SIPA1L1: variants seen among roughly 807,000 people sequenced by gnomAD.
SIPA1L1 encodes the protein signal induced proliferation associated 1 like 1, also known as signal-induced proliferation-associated 1-like protein 1.
SIPA1L1 carries 26 observed loss-of-function variants against 162.7 expected under a neutral mutation model. The ratio of observed to expected loss-of-function variants is 0.16; its 90% CI spans 0.12 to 0.22. The LOEUF is 0.22. Ranked by LOEUF, SIPA1L1 falls within the 10% of genes least tolerant of loss-of-function variation. The pLI is 1.00. For synonymous variants in SIPA1L1, 829 were observed against 837.4 expected, an observed-to-expected ratio of 0.99 and a Z score of 0.17; for missense variants, 1,874 against 2,241.0, an observed-to-expected ratio of 0.84 and a Z score of 3.31.
At chr14:71,735,562 C>T in intron 22 of SIPA1L1, 171 bp downstream of exon 22, 1 of 526,574 alleles carries the variant, frequency 1.9e-6, no homozygotes. Context: ...ATACTGTAGA[C>T]ATAATTAAAC....
At chr14:71,471,481 T>C (rs1272600460) in intron 2 of SIPA1L1, among the ~76,000 whole-genome samples, 1 of 152,118 alleles carries the variant, frequency 6.6e-6, no homozygotes, top group African/African-American at 2.4e-5. Context: ...GGGAAAAAAG[T>C]GTGAGTTAAG....
intron 7 of SIPA1L1, among the ~76,000 whole-genome samples, chr14:71,629,418 A>G (rs1056093556): frequency 6.6e-6 from 1 of 152,220 alleles, no homozygotes; most frequent in Non-Finnish European, 1.5e-5. Context: ...TCTTGAATCC[A>G]GGCACTCAGA....
At chr14:71,523,043 T>TA (rs2052517130) in intron 3 of SIPA1L1, among the ~76,000 whole-genome samples, 1 of 152,194 alleles carries the variant, frequency 6.6e-6, no homozygotes, top group African/African-American at 2.4e-5. Flanking sequence ...AGGTCAGTCT[T>TA]ACAGTTTACT....
Position 71,330,589 on chromosome 14 carries a change from T to C in SIPA1L1, c.-465+9408T>C. On this transcript the variant is annotated intron_variant, in intron 2 of 23. Coordinates refer to ENST00000381232, the MANE Select transcript of SIPA1L1 (RefSeq NM_001386936.1). The stretch of plus-strand genomic sequence containing the variant: ...TCCTCCTCAGATGTTAAATCCCAAC[T>C]GAGCTTCAGGAGGCTTCTTCAGTGT... 4 of 1,090,378 alleles carry C rather than the reference T, an allele frequency of 3.7e-6. No homozygotes were observed. In the Admixed American group the frequency reaches 6.7e-5, roughly 18 times the overall value. 67.5% of individuals were successfully genotyped at this position (1,090,378 alleles called of 1,614,324 possible).
rs374388876 is a variant in SIPA1L1 at position 71,605,353 on chromosome 14, C to A, written c.1499-13404C>A. Among the ~76,000 whole-genome samples the A allele has an allele frequency of 5.3e-5, 8 of 152,052 alleles. No individual in the cohort carries two copies. The East Asian group carries it at 1.4e-3, about 26-fold the overall frequency. On this transcript the variant is annotated intron_variant, in intron 5 of 23. Coordinates refer to ENST00000381232, the MANE Select transcript of SIPA1L1 (RefSeq NM_001386936.1). Reference sequence around the variant, plus strand: ...GCTTCATTAATCAACATTTTGAATTCTTTTTCTAGGATTTTGTATATTTCT... The same window carrying A: ...GCTTCATTAATCAACATTTTGAATTATTTTTCTAGGATTTTGTATATTTCT...
intron 6 of SIPA1L1, among the ~76,000 whole-genome samples, chr14:71,621,278 G>C (rs1330701838): frequency 1.3e-5 from 2 of 152,196 alleles, no homozygotes; most frequent in South Asian, 2.1e-4. Flanking sequence ...ATCCTTGAAA[G>C]CTTCCTCATC....
intron 10 of SIPA1L1, among the ~76,000 whole-genome samples, chr14:71,667,249 C>G (rs1299882071): frequency 1.3e-5 from 2 of 152,072 alleles, no homozygotes; most frequent in African/African-American, 4.8e-5. Flanking sequence ...CTCACACATT[C>G]CCCTTTCCCT....
At chr14:71,396,949 CAA>C (rs2041253929) in intron 2 of SIPA1L1, among the ~76,000 whole-genome samples, 1 of 152,086 alleles carries the variant, frequency 6.6e-6, no homozygotes, top group Non-Finnish European at 1.5e-5. Flanking sequence ...TATTTTTTGA[CAA>C]ATTTAAATTA....
Position 71,672,625 on chromosome 14 carries a change from AG to A in SIPA1L1, c.3104+5del. On this transcript the variant is annotated splice_donor_region_variant and intron_variant, in intron 12 of 23. Transcript: ENST00000381232. ...CATGATGACTGCACCCCGCGGAGGT[AG>A]GTCTGAGGAGACAGCTGTGGGCCTG... 6.2e-7 allele frequency: 1 copy of A among 1,610,714 alleles called. No homozygotes were observed. The highest frequency in any genetic ancestry group is 8.5e-7 in the Non-Finnish European group (1 of 1,177,162).
chr14:71,697,233 G>C (rs1383214714), intron 13 of SIPA1L1, among the ~76,000 whole-genome samples: 1 of 152,184 alleles, frequency 6.6e-6, no homozygotes, highest in African/African-American at 2.4e-5. Context: ...GACCCAGGCT[G>C]CAGGTGAGAG....
At chr14:71,333,262 AGTC>A (rs965608376) in intron 2 of SIPA1L1, among the ~76,000 whole-genome samples, 4 of 152,202 alleles carry the variant, frequency 2.6e-5, no homozygotes, top group African/African-American at 9.7e-5. Context: ...TTTTATGTGT[AGTC>A]GTCTTGGGAT....
intron 4 of SIPA1L1, among the ~76,000 whole-genome samples, chr14:71,541,303 A>G (rs1337419158): frequency 1.3e-4 from 20 of 152,186 alleles, no homozygotes; most frequent in Admixed American, 1.2e-3. Context: ...CATTTTTAGA[A>G]TAATTGACTA....
At chr14:71,632,878 G>T (rs1434740967) in intron 7 of SIPA1L1, among the ~76,000 whole-genome samples, 1 of 152,132 alleles carries the variant, frequency 6.6e-6, no homozygotes, top group Non-Finnish European at 1.5e-5. Context: ...AATAAAGAAG[G>T]CCTGCTAAAT....
At chr14:71,338,579 G>C (rs974015442) in intron 2 of SIPA1L1, among the ~76,000 whole-genome samples, 1 of 152,070 alleles carries the variant, frequency 6.6e-6, no homozygotes, top group Non-Finnish European at 1.5e-5. Context: ...ACAGTCATCC[G>C]GGGGCATTTA....
At chr14:71,648,517 TAA>T (rs2042359564) in intron 7 of SIPA1L1, among the ~76,000 whole-genome samples, 1 of 152,154 alleles carries the variant, frequency 6.6e-6, no homozygotes, top group African/African-American at 2.4e-5. Context: ...CGTAGTCCCT[TAA>T]TATAAAGTGG....
chr14:71,717,089 G>A (rs1362435318), intron 17 of SIPA1L1, among the ~76,000 whole-genome samples: 3 of 152,066 alleles, frequency 2.0e-5, no homozygotes, highest in African/African-American at 7.2e-5. Context: ...TAGTAGAGAC[G>A]GGGTTTTACC....
chr14:71,662,803 C>G (rs1199812987), intron 10 of SIPA1L1, among the ~76,000 whole-genome samples: 1 of 152,204 alleles, frequency 6.6e-6, no homozygotes, highest in African/African-American at 2.4e-5. Context: ...GAAATGGTGT[C>G]TGAGAGCTGC....
intron 2 of SIPA1L1, among the ~76,000 whole-genome samples, chr14:71,358,302 G>T (rs2140806351): frequency 6.6e-6 from 1 of 152,332 alleles, no homozygotes; most frequent in African/African-American, 2.4e-5. Flanking sequence ...AATTGAAGTT[G>T]TAAGTTTCAC....
intron 2 of SIPA1L1, among the ~76,000 whole-genome samples, chr14:71,509,999 C>G (rs2050992554): frequency 6.6e-6 from 1 of 152,056 alleles, no homozygotes; most frequent in African/African-American, 2.4e-5. Flanking sequence ...CAACTTGACA[C>G]AAGTGCCCCC....
Sources: allele counts gnomAD v4.1 joint callset (sites outside exome capture counted in the v4.1 genomes callset), GRCh38; gene constraint gnomAD v4.1.1; transcripts MANE v1.5; gene names NCBI Gene and HGNC (gene_info 2026-07-23, HGNC 2026-07-21).